The following NRG1 variants were observed in gnomAD, a reference collection of about 807,000 sequenced individuals.
NRG1 encodes the protein pro-neuregulin-1, membrane-bound isoform.
NRG1 carries 18 observed loss-of-function variants against 63.8 expected under a neutral mutation model. That is an observed-to-expected ratio of 0.28 (90% CI 0.19 to 0.42). The LOEUF (loss-of-function observed/expected upper bound fraction) is 0.42, where lower values mean the gene tolerates loss of function less well. Ranked by LOEUF, NRG1 falls within the 10% of genes least tolerant of loss-of-function variation. The pLI, the probability that NRG1 is intolerant of heterozygous loss-of-function variation, is 1.00. For missense variants in NRG1, 762 were observed against 814.7 expected (o/e 0.94, Z 0.79); for synonymous variants, 302 against 301.3 (o/e 1.00, Z -0.02).
chr8:31,840,197 C>T (rs1054064233), intron 1 of NRG1, among the ~76,000 whole-genome samples: 18 of 152,052 alleles, frequency 1.2e-4, no homozygotes, highest in Admixed American at 3.3e-4. Context: ...CAATTTGTGA[C>T]GGTCCTGTTG....
intron 1 of NRG1, among the ~76,000 whole-genome samples, chr8:32,566,128 G>A (rs79949912): frequency 0.2 from 31,092 of 151,678 alleles, 3,835 homozygotes; most frequent in Admixed American, 0.33. Context: ...CCAAGGAGAC[G>A]GGTGGATCAC....
chr8:32,655,800 T>A (rs1286731736), intron 5 of NRG1, among the ~76,000 whole-genome samples: 1 of 152,138 alleles, frequency 6.6e-6, no homozygotes, highest in Non-Finnish European at 1.5e-5. Flanking sequence ...GAGTTACTTT[T>A]GAGAGAGGAA....
intron 1 of NRG1, among the ~76,000 whole-genome samples, chr8:31,820,803 A>G (rs1055568465): frequency 6.6e-6 from 1 of 152,234 alleles, no homozygotes; most frequent in Non-Finnish European, 1.5e-5. Context: ...TGTATACTTT[A>G]TCTTACAAAA....
intron 1 of NRG1, among the ~76,000 whole-genome samples, chr8:32,210,855 T>C (rs1844635467): frequency 6.6e-6 from 1 of 152,216 alleles, no homozygotes; most frequent in African/African-American, 2.4e-5. Flanking sequence ...ATTCATATGA[T>C]ATTCTCTCTT....
intron 2 of NRG1, among the ~76,000 whole-genome samples, chr8:32,603,998 T>A (rs1193179771): frequency 6.6e-6 from 1 of 152,224 alleles, no homozygotes; most frequent in African/African-American, 2.4e-5. Flanking sequence ...GCCTGATGTA[T>A]GCTCCACGAG....
At chr8:32,168,745 A>G (rs918968566) in intron 1 of NRG1, among the ~76,000 whole-genome samples, 3 of 152,194 alleles carry the variant, frequency 2.0e-5, no homozygotes, top group Admixed American at 1.3e-4. Flanking sequence ...CGTCACTTTC[A>G]TGTTTCTACT....
intron 1 of NRG1, among the ~76,000 whole-genome samples, chr8:32,110,906 G>A (rs1048204928): frequency 6.6e-6 from 1 of 152,094 alleles, no homozygotes; most frequent in Non-Finnish European, 1.5e-5. Context: ...CTGGAGATTC[G>A]GATTCTTACC....
intron 7 of NRG1, chr8:32,749,610 A>C (rs1166975315): frequency 8.1e-6 from 13 of 1,611,694 alleles, no homozygotes; most frequent in Non-Finnish European, 8.5e-6. Flanking sequence ...CATTCCTTTT[A>C]GCCTGCAGAA....
intron 1 of NRG1, among the ~76,000 whole-genome samples, chr8:31,875,422 T>C (rs1043627047): frequency 3.3e-5 from 5 of 152,218 alleles, no homozygotes; most frequent in Non-Finnish European, 7.3e-5. Flanking sequence ...GAATTTCCTT[T>C]AGATCACGAA....
chr8:32,383,978 T>C (rs1432963602), intron 1 of NRG1, among the ~76,000 whole-genome samples: 2 of 152,226 alleles, frequency 1.3e-5, no homozygotes, highest in African/African-American at 4.8e-5. Context: ...CTCACACTTG[T>C]AATCCCAGCA....
At chr8:32,349,444 A>T (rs1805315392) in intron 1 of NRG1, among the ~76,000 whole-genome samples, 2 of 152,226 alleles carry the variant, frequency 1.3e-5, no homozygotes. Context: ...GAAGTGGTAC[A>T]CTATGAGTAG....
chr8:32,772,040 T>A (rs1428944136), downstream of NRG1, among the ~76,000 whole-genome samples: 31 of 1,760 alleles, frequency 0.018, no homozygotes, highest in East Asian at 0.14. Context: ...AAAAAAAATA[T>A]GTATATATAT....
intron 1 of NRG1, among the ~76,000 whole-genome samples, chr8:32,055,716 C>A (rs1238857417): frequency 7.9e-6 from 1 of 126,388 alleles, no homozygotes; most frequent in Non-Finnish European, 1.7e-5. Context: ...TTACTCACCA[C>A]TTTAAAATAA....
intron 5 of NRG1, among the ~76,000 whole-genome samples, chr8:32,634,965 A>G (rs941061159): frequency 5.3e-5 from 8 of 152,210 alleles, no homozygotes; most frequent in African/African-American, 1.9e-4. Context: ...TAAGAACAAT[A>G]TCAGTTACTT....
intron 9 of NRG1, among the ~76,000 whole-genome samples, 200 bp from the exon 10 acceptor site, chr8:32,759,106 T>G (rs1830218333): frequency 6.6e-6 from 1 of 152,080 alleles, no homozygotes; most frequent in South Asian, 2.1e-4. Context: ...ACTCTATTCA[T>G]CTAATCTAAA....
intron 1 of NRG1, among the ~76,000 whole-genome samples, chr8:32,269,538 A>T (rs941809892): frequency 3.3e-5 from 5 of 152,150 alleles, no homozygotes; most frequent in African/African-American, 9.6e-5. Context: ...TCCATGGGGA[A>T]CAAGGATGGG....
chr8:32,546,519 C>T (rs1337808363), upstream of NRG1, among the ~76,000 whole-genome samples: 1 of 152,064 alleles, frequency 6.6e-6, no homozygotes, highest in Non-Finnish European at 1.5e-5. Flanking sequence ...GAGCAGTGGC[C>T]CCCTCCTGGG....
At chr8:31,798,705 A>G (rs567652691) in intron 1 of NRG1, among the ~76,000 whole-genome samples, 41 of 152,300 alleles carry the variant, frequency 2.7e-4, no homozygotes, top group African/African-American at 8.4e-4. Context: ...ATGATATAGC[A>G]TAATTATTTC....
intron 1 of NRG1, among the ~76,000 whole-genome samples, chr8:31,676,240 GT>G (rs1334612778): frequency 2.0e-5 from 3 of 152,132 alleles, no homozygotes; most frequent in Admixed American, 1.3e-4. Context: ...CTCAAAGATA[GT>G]CTGAATAGTT....
Sources: gnomAD v4.1 joint callset for allele counts (sites outside exome capture counted in the v4.1 genomes callset) on GRCh38, gnomAD v4.1.1 for gene constraint, MANE v1.5 for transcripts, NCBI Gene and HGNC (gene_info 2026-07-23, HGNC 2026-07-21) for gene names.